Variants in EVC2 observed in about 807,000 individuals in gnomAD.
The protein encoded by EVC2 is EvC ciliary complex subunit 2, also known as limbin.
Under a neutral mutation model 149.3 loss-of-function variants are expected in EVC2, and 148 were observed. That is an observed-to-expected ratio of 0.99 (90% CI 0.87 to 1.14). The LOEUF (loss-of-function observed/expected upper bound fraction) is 1.14. Ranked by LOEUF, EVC2 falls within the 50% of genes most tolerant of loss-of-function variation. The probability of loss-of-function intolerance (pLI) is 0.00; values close to 1 mark genes in which losing one functional copy is unlikely to be tolerated. For missense variants in EVC2, 1,854 were observed against 1,627.3 expected (o/e 1.14, Z -2.40); for synonymous variants, 776 against 649.9 (o/e 1.19, Z -2.95).
chr4:5,535,207 G>A, the EVC2 span, among the ~76,000 whole-genome samples: 2 of 152,146 alleles, frequency 1.3e-5, no homozygotes, highest in African/African-American at 4.8e-5. This position sits in a 1 kb window ranked among gnomAD's most constrained non-coding sequence, Gnocchi z 4.7. Flanking sequence ...CCCAGTGCCA[G>A]CTCCCAGTGC....
In EVC2 at chr4:5,587,813, G is replaced by A. The variant is rs776017980; in HGVS notation, c.2830-2963C>T. 2.0e-5 allele frequency among the ~76,000 whole-genome samples: 3 copies of A among 152,168 alleles called. No homozygotes were observed. In the South Asian group the frequency reaches 6.2e-4, roughly 32 times the overall value. The stretch of plus-strand genomic sequence containing the variant: ...ATACACTGGTAATTAGAAAGGAACC[G>A]AACAGGACAGGGATCTTCACAGTGC... On this transcript the variant is annotated intron_variant, in intron 16 of 21. Transcript: ENST00000344408.
intron 17 of EVC2, among the ~76,000 whole-genome samples, chr4:5,582,981 G>T (rs1313425451): frequency 6.6e-6 from 1 of 152,098 alleles, no homozygotes; most frequent in East Asian, 1.9e-4. Context: ...GATGCATCAG[G>T]CTTCCTGTAT....
intron 22 of EVC2, chr4:5,542,977 C>T: frequency 2.4e-6 from 1 of 410,724 alleles, no homozygotes; most frequent in Non-Finnish European, 4.4e-6. Context: ...AGTCCTCCCA[C>T]ACTTCTCCCC....
In EVC2 at chr4:5,679,263, T is replaced by C. The variant is rs1218172288; in HGVS notation, c.870+1997A>G. On this transcript the variant is annotated intron_variant, in intron 7 of 21. Coordinates refer to ENST00000344408, the MANE Select transcript of EVC2 (RefSeq NM_147127.5). The surrounding 1 kb of genome is among the most constrained non-coding windows in gnomAD (Gnocchi z 5.1). ...TTTATTTATTTATGTTGAGACAGAG[T>C]CTCACTCTGTTAACCAGGCTGGAGT... 6.6e-6 allele frequency among the ~76,000 whole-genome samples: 1 copy of C among 151,842 alleles called. No individual in the cohort carries two copies. Among genetic ancestry groups the C allele is most frequent in the Non-Finnish European group, 1.5e-5 (1 of 67,944 alleles).
intron 9 of EVC2, among the ~76,000 whole-genome samples, chr4:5,655,844 G>A (rs1316041504): frequency 2.0e-5 from 3 of 152,116 alleles, no homozygotes; most frequent in Non-Finnish European, 4.4e-5. Flanking sequence ...AAGGGAAAGA[G>A]AGGGGCATTA....
At chr4:5,603,859 G>A (rs1714186536) in intron 16 of EVC2, among the ~76,000 whole-genome samples, 1 of 152,200 alleles carries the variant, frequency 6.6e-6, no homozygotes, top group Non-Finnish European at 1.5e-5. Context: ...AAGACTATTT[G>A]TGAGAAATTT....
At chr4:5,692,719 T>C (rs1189279628) in intron 3 of EVC2, among the ~76,000 whole-genome samples, 1 of 147,318 alleles carries the variant, frequency 6.8e-6, no homozygotes, top group East Asian at 2.0e-4. Context: ...TACAAAAAAT[T>C]AGCCGGGCGC....
In EVC2 at chr4:5,562,938, C is replaced by T. The variant is rs201651890; in HGVS notation, c.3837G>A (p.Lys1279=). The T allele has an allele frequency of 4.4e-5, 71 of 1,614,072 alleles. No individual in the cohort carries two copies. The Middle Eastern group carries it at 2.6e-3, about 60-fold the overall frequency. Residue 1279 remains lysine, a synonymous_variant, in exon 22 of 22, where the codon AAG becomes AAA. Transcript: ENST00000344408. This position sits in a 1 kb window ranked among gnomAD's most constrained non-coding sequence, Gnocchi z 4.3. ...GAACGTGCAGTGAGATCTCTGGCTCCTTTGGATTTCTGAATATAAAGAGCT... is the reference window on the plus strand; with the variant it reads ...GAACGTGCAGTGAGATCTCTGGCTCTTTTGGATTTCTGAATATAAAGAGCT... ...GEKLFIFRNP[K]EPEISLHVPP... is the part of the protein sequence containing the mutation.
chr4:5,649,423 G>A (rs914265365), intron 9 of EVC2, among the ~76,000 whole-genome samples: 1 of 152,118 alleles, frequency 6.6e-6, no homozygotes, highest in Admixed American at 6.5e-5. Flanking sequence ...AAACAGTACC[G>A]CTTAAATTAT....
chr4:5,650,158 G>T (rs757736949), intron 9 of EVC2, among the ~76,000 whole-genome samples: 1 of 152,082 alleles, frequency 6.6e-6, no homozygotes, highest in African/African-American at 2.4e-5. Context: ...CCTTAAAGGG[G>T]GCAAAGATGC....
At chr4:5,539,207 C>G (rs1217612383), downstream of EVC2, among the ~76,000 whole-genome samples, 1 of 152,062 alleles carries the variant, frequency 6.6e-6, no homozygotes, top group Non-Finnish European at 1.5e-5. Context: ...TAGTAGTATT[C>G]CAATACTTAA....
intron 3 of EVC2, among the ~76,000 whole-genome samples, 177 bp downstream of exon 3, chr4:5,694,158 G>A (rs1176150263): frequency 6.6e-6 from 1 of 152,154 alleles, no homozygotes; most frequent in East Asian, 1.9e-4. Flanking sequence ...TTGTGTAGCA[G>A]AAATAGCACC....
chr4:5,551,746 C>A (rs1425827466), intron 21 of EVC2, among the ~76,000 whole-genome samples: 1 of 152,122 alleles, frequency 6.6e-6, no homozygotes, highest in African/African-American at 2.4e-5. Context: ...TGAATTCCCA[C>A]GTGTTGTGGG....
rs1238697451 is a variant in EVC2 at position 5,679,402 on chromosome 4, A to AT, written c.870+1857dup. Reference sequence around the variant, plus strand: ...AGACACGCACCACCATGCTCAGCTAATTTTTTTTGTATTTTTAGTAAAGAC... The same window carrying AT: ...AGACACGCACCACCATGCTCAGCTAATTTTTTTTTGTATTTTTAGTAAAGAC... On this transcript the variant is annotated intron_variant, in intron 7 of 21. Coordinates refer to ENST00000344408, the MANE Select transcript of EVC2 (RefSeq NM_147127.5). The surrounding 1 kb of genome is among the most constrained non-coding windows in gnomAD (Gnocchi z 5.1). Among the ~76,000 whole-genome samples the AT allele has an allele frequency of 4.0e-5, 6 of 151,586 alleles. No individual in the cohort carries two copies. Among genetic ancestry groups the AT allele is most frequent in the East Asian group, 1.9e-4 (1 of 5,144 alleles).
chr4:5,694,155 G>A (rs1425495618), intron 3 of EVC2, among the ~76,000 whole-genome samples, 180 bp downstream of exon 3: 1 of 152,182 alleles, frequency 6.6e-6, no homozygotes, highest in Admixed American at 6.5e-5. Context: ...ATGTTGTGTA[G>A]CAGAAATAGC....
chr4:5,587,660 G>C (rs1712412692), intron 16 of EVC2, among the ~76,000 whole-genome samples: 1 of 152,180 alleles, frequency 6.6e-6, no homozygotes, highest in Non-Finnish European at 1.5e-5. Flanking sequence ...GCATAGACAA[G>C]ACTCCTGTCT....
At chr4:5,666,102 C>T (rs1719263829) in intron 7 of EVC2, among the ~76,000 whole-genome samples, 1 of 152,098 alleles carries the variant, frequency 6.6e-6, no homozygotes, top group African/African-American at 2.4e-5. Context: ...AATTAAACCC[C>T]AATTTTTACG....
chr4:5,664,243 A>AT (rs1020901178), intron 8 of EVC2, among the ~76,000 whole-genome samples: 1 of 152,152 alleles, frequency 6.6e-6, no homozygotes, highest in African/African-American at 2.4e-5. Flanking sequence ...AGCCCGGTTG[A>AT]TTTTTAACCC....
chr4:5,663,575 A>C (rs1223670203), intron 8 of EVC2, among the ~76,000 whole-genome samples: 1 of 152,254 alleles, frequency 6.6e-6, no homozygotes, highest in African/African-American at 2.4e-5. Context: ...AGGAAACCTC[A>C]AAACAGGTAT....
Sources: gnomAD v4.1 joint callset for allele counts (sites outside exome capture counted in the v4.1 genomes callset) on GRCh38, gnomAD v4.1.1 for gene constraint, Gnocchi (gnomAD v3.1) non-coding constraint, MANE v1.5 for transcripts, NCBI Gene and HGNC (gene_info 2026-07-23, HGNC 2026-07-21) for gene names.